Variants in PTPN13 observed in about 807,000 individuals in gnomAD.
PTPN13 encodes tyrosine-protein phosphatase non-receptor type 13.
PTPN13 carries 191 observed loss-of-function variants against 284.0 expected under a neutral mutation model. The ratio of observed to expected loss-of-function variants is 0.67; its 90% confidence interval spans 0.60 to 0.76. PTPN13 has a LOEUF of 0.76. Among genes scored for constraint, PTPN13 ranks in the 30% least tolerant of loss-of-function variants. The pLI is 0.00. For missense variants in PTPN13, 2,797 were observed against 2,939.9 expected (o/e 0.95, Z 1.12); for synonymous variants, 986 against 1,022.3 (o/e 0.96, Z 0.68).
rs185549376 is a variant in PTPN13, at chr4:86,725,280, A to G, written c.1608+2846A>G. 8.7e-5 allele frequency among the ~76,000 whole-genome samples: 13 copies of G among 149,234 alleles called. No homozygotes were observed. The East Asian group carries it at 1.4e-3, about 16-fold the overall frequency. On this transcript the variant is annotated intron_variant, in intron 10 of 47. Coordinates refer to ENST00000411767, the MANE Select transcript of PTPN13 (RefSeq NM_080683.3). ...GTGAACAGTGCTGCAATAAACATAC[A>G]TGTGCATGTGTCTTTATGGTAGCGT... is the stretch of plus-strand genomic sequence containing the variant.
chr4:86,649,598 A>C (rs982619915), intron 2 of PTPN13, among the ~76,000 whole-genome samples: 3 of 152,070 alleles, frequency 2.0e-5, no homozygotes, highest in African/African-American at 7.2e-5. Flanking sequence ...GTCTGTTTCT[A>C]TGTTAATACC....
At chr4:86,621,195 T>TTGTG (rs1437883059) in intron 1 of PTPN13, among the ~76,000 whole-genome samples, 1 of 152,252 alleles carries the variant, frequency 6.6e-6, no homozygotes, top group Non-Finnish European at 1.5e-5. Flanking sequence ...TCCTTTGTTG[T>TTGTG]GGGTGTGATC....
chr4:86,628,892 C>T (rs1296236502), intron 1 of PTPN13, among the ~76,000 whole-genome samples: 1 of 150,632 alleles, frequency 6.6e-6, no homozygotes, highest in African/African-American at 2.4e-5. Context: ...TTTCTTAAAC[C>T]AGTCTATCAT....
intron 1 of PTPN13, among the ~76,000 whole-genome samples, chr4:86,611,007 G>A (rs1320581639): frequency 6.6e-6 from 1 of 152,168 alleles, no homozygotes; most frequent in Non-Finnish European, 1.5e-5. Flanking sequence ...GATGTCTTAT[G>A]TGTAAATATA....
At chr4:86,723,385 T>C (rs983304836) in intron 10 of PTPN13, among the ~76,000 whole-genome samples, 6 of 152,176 alleles carry the variant, frequency 3.9e-5, no homozygotes, top group Non-Finnish European at 5.9e-5. Context: ...ATGAACCCTG[T>C]TGTGAACTGC....
At chr4:86,727,073 T>G (rs1418813178) in intron 10 of PTPN13, among the ~76,000 whole-genome samples, 10 of 149,710 alleles carry the variant, frequency 6.7e-5, no homozygotes, top group African/African-American at 2.4e-4. Flanking sequence ...GAGATAATCA[T>G]GTGGTTTTTG....
At chr4:86,610,353 T>C (rs1765156236) in intron 1 of PTPN13, among the ~76,000 whole-genome samples, 1 of 152,248 alleles carries the variant, frequency 6.6e-6, no homozygotes, top group African/African-American at 2.4e-5. Flanking sequence ...TAGGAATCTA[T>C]CTCCCCTTTA....
At chr4:86,794,532 A>G (rs1743088746) in intron 40 of PTPN13, among the ~76,000 whole-genome samples, 1 of 152,210 alleles carries the variant, frequency 6.6e-6, no homozygotes, top group African/African-American at 2.4e-5. Context: ...TTCTTCCCAG[A>G]ATAGGAAAAA....
chr4:86,617,147 G>A (rs1720641379), intron 1 of PTPN13, among the ~76,000 whole-genome samples: 2 of 152,162 alleles, frequency 1.3e-5, no homozygotes, highest in Non-Finnish European at 1.5e-5. Flanking sequence ...AAAGCAACCT[G>A]TTATAACCCT....
At chr4:86,644,661 A>G (rs768339898) in intron 2 of PTPN13, among the ~76,000 whole-genome samples, 30 of 152,246 alleles carry the variant, frequency 2.0e-4, no homozygotes, top group Admixed American at 2.6e-4. Flanking sequence ...GAGAAAAACT[A>G]CAAACCAATA....
rs1187485366 is a variant in PTPN13, at chr4:86,775,478, A to G, written c.5717A>G (p.Gln1906Arg). The G allele has an allele frequency of 1.2e-6, 2 of 1,609,284 alleles. No homozygotes were observed. Among genetic ancestry groups the G allele is most frequent in the Non-Finnish European group, 8.5e-7 (1 of 1,175,830 alleles). ...TGTGGAGGTCATGACAGCCTTTATC[A>G]AGTGGTATATATTAGTGATATTAAT... ...SLCGGHDSLY[Q>R]VVYISDINPR... The change falls in exon 35 of 48, where the codon CAA (glutamine) becomes CGA (arginine). Residue 1906 changes from glutamine (Q) to arginine (R), a missense_variant. Physicochemically the swap from Gln to Arg is conservative, Grantham distance 43. Transcript: ENST00000411767.
rs151249199 is a variant in PTPN13 at position 86,701,649 on chromosome 4, G to C, written c.1043G>C (p.Ser348Thr). The change falls in exon 7 of 48, where the codon AGT becomes ACT. Residue 348 changes from serine to threonine, a missense_variant. Ser to Thr is a moderately conservative substitution (Grantham distance 58). Coordinates refer to ENST00000411767, the MANE Select transcript of PTPN13 (RefSeq NM_080683.3). ...AAGGAGGCAAGATACTCAGATGGAA[G>C]TATAGCCTTGGATATCTTTGGCCCT... ...RKKEARYSDG[S>T]IALDIFGPQK... is the part of the protein sequence containing the mutation. 1,065 of 1,613,938 alleles carry C rather than the reference G, an allele frequency of 6.6e-4. 5 individuals carry two copies. The highest frequency in any genetic ancestry group is 3.9e-3 in the South Asian group (358 of 91,082).
At chr4:86,710,902 T>C (rs990734502) in intron 7 of PTPN13, among the ~76,000 whole-genome samples, 1 of 151,982 alleles carries the variant, frequency 6.6e-6, no homozygotes, top group African/African-American at 2.4e-5. Context: ...ATAACTAGAC[T>C]TCTGTCCAAA....
intron 2 of PTPN13, among the ~76,000 whole-genome samples, chr4:86,663,438 T>C (rs1726738655): frequency 6.6e-6 from 1 of 152,284 alleles, no homozygotes; most frequent in East Asian, 1.9e-4. Flanking sequence ...AGATTCTTCT[T>C]TGCGTCCCTG....
intron 2 of PTPN13, among the ~76,000 whole-genome samples, chr4:86,651,745 T>C (rs779710107): frequency 6.6e-6 from 1 of 152,210 alleles, no homozygotes; most frequent in Non-Finnish European, 1.5e-5. Context: ...CCATTTCTTC[T>C]AGGTTTTCCA....
At position 86,750,662 on chromosome 4, in the gene PTPN13, A is replaced by G; in HGVS notation, c.2843A>G (p.Asn948Ser). ...SELSLYQPLQ[N>S]SSKEKNDKAS... ...CTGTCGCTTTACCAGCCATTGCAAA[A>G]CAGTTCAAAAGAGAAGAATGACAAA... The change falls in exon 18 of 48, where the codon AAC (asparagine) becomes AGC (serine). Residue 948 changes from asparagine to serine, a missense_variant. Physicochemically the swap from Asn to Ser is conservative, Grantham distance 46. Coordinates refer to ENST00000411767, the MANE Select transcript of PTPN13 (RefSeq NM_080683.3). 2 of 1,613,976 alleles carry G rather than the reference A, an allele frequency of 1.2e-6. No homozygotes were observed.
chr4:86,775,154 C>T lies in PTPN13; in HGVS notation c.5509-17C>T, dbSNP rs1432594816. On this transcript the variant is annotated splice_polypyrimidine_tract_variant and intron_variant, in intron 33 of 47. Coordinates refer to ENST00000411767, the MANE Select transcript of PTPN13 (RefSeq NM_080683.3). ...TAAAAATTGTGATCTTCACATGCCC[C>T]TTTCTTGTTTTTGTAGGTTAATGAT... The T allele has an allele frequency of 1.3e-6, 2 of 1,560,238 alleles. No homozygotes were observed. The highest frequency in any genetic ancestry group is 1.2e-5 in the South Asian group (1 of 81,712).
chr4:86,695,218 A>G (rs2148983869), intron 6 of PTPN13, among the ~76,000 whole-genome samples: 1 of 152,208 alleles, frequency 6.6e-6, no homozygotes, highest in Admixed American at 6.5e-5. Flanking sequence ...ATTTCTGGTT[A>G]GATCAGAGTT....
intron 6 of PTPN13, among the ~76,000 whole-genome samples, chr4:86,699,309 C>A (rs1335819059): frequency 6.6e-6 from 1 of 151,958 alleles, no homozygotes; most frequent in Non-Finnish European, 1.5e-5. Context: ...TGGCGTGAAC[C>A]TGGGAGGCGG....
Sources: allele counts gnomAD v4.1 joint callset (sites outside exome capture counted in the v4.1 genomes callset), GRCh38; gene constraint gnomAD v4.1.1; transcripts MANE v1.5; gene names NCBI Gene and HGNC (gene_info 2026-07-23, HGNC 2026-07-21).